ADCY7: variants seen among roughly 807,000 people sequenced by gnomAD.
ADCY7 encodes the protein adenylate cyclase type 7.
In ADCY7, 72 loss-of-function variants were observed where a neutral mutation model predicts 120.6. That is an observed-to-expected ratio of 0.60 (90% CI 0.49 to 0.73). The LOEUF (loss-of-function observed/expected upper bound fraction) is 0.73. ADCY7 is among the 30% of genes least tolerant of loss of function. ADCY7 has a pLI of 0.00. For synonymous variants in ADCY7, 661 were observed against 628.0 expected, an observed-to-expected ratio of 1.05 and a Z score of -0.78; for missense variants, 1,227 against 1,486.0, an observed-to-expected ratio of 0.83 and a Z score of 2.87.
chr16:50,300,993 T>C, intron 9 of ADCY7, 89 bp from the exon 10 acceptor site: 1 of 1,547,778 alleles, frequency 6.5e-7, no homozygotes, highest in Admixed American at 1.9e-5. Flanking sequence ...AAAGCTGGCC[T>C]GGGGCCCAGG....
Position 50,305,557 on chromosome 16 carries a change from G to A in ADCY7, c.1650G>A (p.Leu550=), listed in dbSNP as rs2036002953. 1.9e-6 allele frequency: 3 copies of A among 1,606,684 alleles called. No individual in the cohort carries two copies. Among genetic ancestry groups the A allele is most frequent in the African/African-American group, 1.3e-5 (1 of 74,978 alleles). Residue 550 remains leucine, a synonymous_variant, in exon 13 of 26, where the codon CTG becomes CTA. Transcript: ENST00000673801. ...ATGACTCGTACGATGACGAGATGCT[G>A]TCAGCCATTGAGGGGCTCAGCTCCA... is the stretch of plus-strand genomic sequence containing the variant. ...SEDDSYDDEM[L]SAIEGLSSTR...
chr16:50,287,926 G>A lies in ADCY7; in HGVS notation c.-254G>A, dbSNP rs193072664. 7 of 433,454 alleles carry A rather than the reference G, an allele frequency of 1.6e-5. No homozygotes were observed. The highest frequency in any genetic ancestry group is 1.3e-4 in the Admixed American group (3 of 23,518). 26.9% of individuals were successfully genotyped at this position (433,454 alleles called of 1,614,324 possible). A position where few individuals can be genotyped will look rare whatever the true frequency, so the allele number is the denominator to read the frequency against. ...CGTCTCCGCAGAGCTGAGGAACTGC[G>A]TGTGGAGTCAGCCCAGTCTGGATGC... On this transcript the variant is annotated 5_prime_UTR_variant, in exon 2 of 26. The change creates a new upstream start codon in the 5' untranslated region. Transcript: ENST00000673801.
rs113093345 is a variant in ADCY7, at chr16:50,311,813, CCCA to C, written c.2448+28_2448+30del. ...TAAGGAGGCTGGCCCCCCCCCCCCC[CCCA>C]AGCTCTGCCCACTTTTCCTCACCTC... On this transcript the variant is annotated intron_variant, in intron 20 of 25. Coordinates refer to ENST00000673801, the MANE Select transcript of ADCY7 (RefSeq NM_001114.5). 1.3e-5 allele frequency: 17 copies of C among 1,314,842 alleles called. No homozygotes were observed. In the African/African-American group the frequency reaches 1.4e-4, roughly 11 times the overall value. The allele number at this position is 1,314,842 out of a possible 1,614,324, so 81.4% of individuals were successfully genotyped here.
chr16:50,246,095 G>C (rs1192786662), upstream of ADCY7: 1 of 150,172 alleles, frequency 6.7e-6, no homozygotes, highest in Non-Finnish European at 1.5e-5. Flanking sequence ...CGCGGCCAGC[G>C]GGGGGCGCCT....
intron 1 of ADCY7, among the ~76,000 whole-genome samples, chr16:50,257,245 A>G (rs1466159179): frequency 4.6e-5 from 7 of 152,014 alleles, no homozygotes; most frequent in Non-Finnish European, 1.0e-4. Context: ...CACCACCAAC[A>G]AAAAAATCCA....
At chr16:50,299,569 G>A (rs945853250) in intron 8 of ADCY7, among the ~76,000 whole-genome samples, 1 of 152,240 alleles carries the variant, frequency 6.6e-6, no homozygotes, top group African/African-American at 2.4e-5. Context: ...CAGCCAGGCT[G>A]ACCAGTGTGG....
intron 17 of ADCY7, 140 bp downstream of exon 17, chr16:50,308,932 T>A: frequency 1.7e-6 from 2 of 1,148,138 alleles, no homozygotes; most frequent in South Asian, 3.5e-5. Flanking sequence ...GGTTCCCCTT[T>A]GTACACTCAG....
At position 50,311,938 on chromosome 16, in the gene ADCY7, C is replaced by T. The variant is rs572243403; in HGVS notation, c.2449-98C>T. 17 of 1,559,344 alleles carry T rather than the reference C, an allele frequency of 1.1e-5. No homozygotes were observed. In the African/African-American group the frequency reaches 1.9e-4, roughly 17 times the overall value. On this transcript the variant is annotated intron_variant, in intron 20 of 25. Transcript: ENST00000673801. ...GCACTGGTCCCCTGGCCAGAGGCTC[C>T]AAGGACGCCAGGGACAGACAGACCT...
At chr16:50,298,054 T>A (rs1417173230) in intron 7 of ADCY7, among the ~76,000 whole-genome samples, 1 of 150,156 alleles carries the variant, frequency 6.7e-6, no homozygotes, top group East Asian at 2.0e-4. Flanking sequence ...CTTCTCTCCC[T>A]GGGCCTTTTC....
chr16:50,290,768 T>A, intron 3 of ADCY7, 108 bp downstream of exon 3: 1 of 1,242,332 alleles, frequency 8.0e-7, no homozygotes, highest in Non-Finnish European at 1.1e-6. Context: ...GCTGTGTGTC[T>A]AGGATGGCCC....
intron 1 of ADCY7, among the ~76,000 whole-genome samples, chr16:50,273,424 C>G (rs1209606706): frequency 6.6e-6 from 1 of 152,188 alleles, no homozygotes; most frequent in Non-Finnish European, 1.5e-5. Flanking sequence ...ATCTGCCCTC[C>G]TCCTGGCATG....
intron 14 of ADCY7, 89 bp downstream of exon 14, chr16:50,305,938 G>A (rs923445860): frequency 3.9e-5 from 53 of 1,352,778 alleles, no homozygotes; most frequent in African/African-American, 8.6e-5. Flanking sequence ...GGCAGCCTGC[G>A]TTCCCAAGAC....
chr16:50,314,866 C>A, intron 24 of ADCY7, 148 bp from the exon 25 acceptor site: 1 of 1,086,364 alleles, frequency 9.2e-7, no homozygotes, highest in Non-Finnish European at 1.3e-6. Flanking sequence ...CCGACTGCAA[C>A]GCAGTGACTC....
At chr16:50,253,092 A>G (rs1334867508) in intron 1 of ADCY7, among the ~76,000 whole-genome samples, 1 of 152,110 alleles carries the variant, frequency 6.6e-6, no homozygotes, top group Non-Finnish European at 1.5e-5. Flanking sequence ...TTGACACAGG[A>G]GGTGCCCTGC....
rs191413886 is a variant in ADCY7, at chr16:50,259,556, G to A, written c.-64+13353G>A. ...TTCTCCAAAGCCCCGTCTCCCAGGC[G>A]TGGCAGAGATCGGGGCCCTGGGGAT... On this transcript the variant is annotated intron_variant, in intron 1 of 4. Transcript: ENST00000564044. 6.6e-5 allele frequency among the ~76,000 whole-genome samples: 10 copies of A among 152,324 alleles called. No individual in the cohort carries two copies. In the East Asian group the frequency reaches 1.9e-3, roughly 29 times the overall value.
At chr16:50,311,539 C>G (rs1001166894) in intron 19 of ADCY7, among the ~76,000 whole-genome samples, 154 bp from the exon 20 acceptor site, 14 of 152,264 alleles carry the variant, frequency 9.2e-5, no homozygotes, top group South Asian at 2.1e-4. Context: ...TCCCCTCCCC[C>G]CTTTATAATA....
Position 50,297,332 on chromosome 16 carries a change from A to G in ADCY7, c.949-1572A>G, listed in dbSNP as rs1218254189. ...CCCCAACTCCAAGTGTCAGAGACACAGGGGACTGTCAGCCGGTGGAGCAGC... is the reference window on the plus strand; with the variant it reads ...CCCCAACTCCAAGTGTCAGAGACACGGGGGACTGTCAGCCGGTGGAGCAGC... On this transcript the variant is annotated intron_variant, in intron 7 of 25. Transcript: ENST00000673801. This position sits in a 1 kb window ranked among gnomAD's most constrained non-coding sequence, Gnocchi z 4.4. 6.6e-6 allele frequency among the ~76,000 whole-genome samples: 1 copy of G among 152,236 alleles called. No homozygotes were observed. The highest frequency in any genetic ancestry group is 1.5e-5 in the Non-Finnish European group (1 of 68,040).
intron 1 of ADCY7, among the ~76,000 whole-genome samples, chr16:50,277,436 G>A (rs990413049): frequency 6.6e-6 from 1 of 152,200 alleles, no homozygotes; most frequent in Admixed American, 6.5e-5. Context: ...GAGGGAATGT[G>A]AGTGACTGTT....
At chr16:50,264,639 T>C (rs1395161848), upstream of ADCY7, among the ~76,000 whole-genome samples, 1 of 152,194 alleles carries the variant, frequency 6.6e-6, no homozygotes, top group East Asian at 1.9e-4. Context: ...GTATTTTCAT[T>C]TTAATTTTAG....
Sources: allele counts gnomAD v4.1 joint callset (sites outside exome capture counted in the v4.1 genomes callset), GRCh38; gene constraint gnomAD v4.1.1; non-coding constraint Gnocchi (gnomAD v3.1); transcripts MANE v1.5; gene names NCBI Gene and HGNC (gene_info 2026-07-23, HGNC 2026-07-21).